The following TOX variants were observed in gnomAD, a reference collection of about 807,000 sequenced individuals.
TOX encodes the protein thymocyte selection associated high mobility group box.
In TOX, 11 loss-of-function variants were observed where a neutral mutation model predicts 53.7. That is an observed-to-expected ratio of 0.20 (90% CI 0.13 to 0.34). The LOEUF (loss-of-function observed/expected upper bound fraction) is 0.34, where lower values mean the gene tolerates loss of function less well. Among genes scored for constraint, TOX ranks in the 10% least tolerant of loss-of-function variants. TOX has a pLI of 1.00. For missense variants in TOX, 570 were observed against 664.6 expected, an observed-to-expected ratio of 0.86 and a Z score of 1.56; for synonymous variants, 225 against 245.3, an observed-to-expected ratio of 0.92 and a Z score of 0.77.
At chr8:58,834,183 C>T (rs1353675070) in intron 5 of TOX, among the ~76,000 whole-genome samples, 1 of 152,106 alleles carries the variant, frequency 6.6e-6, no homozygotes. Flanking sequence ...TTCTGAGGCC[C>T]CCAATAAGTC....
intron 6 of TOX, among the ~76,000 whole-genome samples, chr8:58,819,959 T>G (rs1810245878): frequency 6.6e-6 from 1 of 152,224 alleles, no homozygotes; most frequent in African/African-American, 2.4e-5. Context: ...AAATTCTTTC[T>G]GCTCCATGCA....
chr8:58,960,128 C>T (rs1268556129), intron 1 of TOX, 120 bp from the exon 2 acceptor site: 28 of 1,040,662 alleles, frequency 2.7e-5, no homozygotes, highest in Admixed American at 1.7e-4. Context: ...AAAAATACTG[C>T]GGCTGGGACT....
At chr8:59,051,109 T>A (rs36068531) in intron 1 of TOX, among the ~76,000 whole-genome samples, 24,655 of 152,116 alleles carry the variant, frequency 0.16, 2,316 homozygotes, top group Non-Finnish European at 0.22. Flanking sequence ...GCTGATGGCA[T>A]ACCCCGAACA....
intron 1 of TOX, among the ~76,000 whole-genome samples, chr8:59,080,704 C>T (rs560830221): frequency 2.6e-5 from 4 of 152,134 alleles, no homozygotes; most frequent in South Asian, 2.1e-4. Context: ...TCACAAGATC[C>T]GGTCATTTAA....
chr8:58,839,579 G>A (rs1810609099), intron 4 of TOX, among the ~76,000 whole-genome samples: 1 of 152,186 alleles, frequency 6.6e-6, no homozygotes, highest in Non-Finnish European at 1.5e-5. Flanking sequence ...CTAAAATAAA[G>A]CATTTTGGAT....
rs1247895645 is a variant in TOX at position 58,806,317 on chromosome 8, C to T, written c.*1430G>A. 1 of 152,072 alleles carries T rather than the reference C, an allele frequency of 6.6e-6. No homozygotes were observed. Among genetic ancestry groups the T allele is most frequent in the African/African-American group, 2.4e-5 (1 of 41,418 alleles). The allele number at this position is 152,072 out of a possible 1,614,324, so 9.4% of individuals were successfully genotyped here. The stretch of plus-strand genomic sequence containing the variant: ...GTTACTCACCTTTCATTTTTAGATG[C>T]TTCCCTTTCACTTCTTCCAGCCCCT... On this transcript the variant is annotated 3_prime_UTR_variant, in exon 9 of 9. Coordinates refer to ENST00000361421, the MANE Select transcript of TOX (RefSeq NM_014729.3).
intron 4 of TOX, among the ~76,000 whole-genome samples, chr8:58,850,090 A>C (rs974373045): frequency 6.6e-6 from 1 of 152,158 alleles, no homozygotes; most frequent in African/African-American, 2.4e-5. Context: ...CTTTTCACCT[A>C]ACTCATGAGA....
chr8:59,081,523 A>T (rs1393651080), intron 1 of TOX, among the ~76,000 whole-genome samples: 1 of 152,222 alleles, frequency 6.6e-6, no homozygotes. Context: ...GCAAAAGAAG[A>T]GGAAGTCAAT....
At chr8:59,055,720 A>T (rs1253632516) in intron 1 of TOX, among the ~76,000 whole-genome samples, 2 of 152,162 alleles carry the variant, frequency 1.3e-5, no homozygotes, top group Non-Finnish European at 2.9e-5. Flanking sequence ...CAAGGTAGAA[A>T]ACACTTTAAT....
At chr8:59,034,635 A>C (rs771828802) in intron 1 of TOX, among the ~76,000 whole-genome samples, 4 of 152,054 alleles carry the variant, frequency 2.6e-5, no homozygotes, top group African/African-American at 4.8e-5. Context: ...CTGCACCCTC[A>C]CTCAAGAAAA....
At chr8:58,945,033 G>A (rs1157995298) in intron 2 of TOX, among the ~76,000 whole-genome samples, 2 of 152,202 alleles carry the variant, frequency 1.3e-5, no homozygotes, top group Admixed American at 1.3e-4. Context: ...GGAATAAAAA[G>A]ATGGTGGGGA....
Position 59,033,069 on chromosome 8 carries a change from GA to G in TOX, c.103-73062del, listed in dbSNP as rs552094984. On this transcript the variant is annotated intron_variant, in intron 1 of 8. Transcript: ENST00000361421. ...AAAGAAAAGAAAAGAAAACAAGAAA[GA>G]AAAAAAGAAACCAAGGCTAAGAGAA... 6.6e-5 allele frequency among the ~76,000 whole-genome samples: 10 copies of G among 151,336 alleles called. No homozygotes were observed. In the South Asian group the frequency reaches 1.5e-3, roughly 22 times the overall value.
Position 58,999,741 on chromosome 8 carries a change from A to G in TOX, c.103-39733T>C, listed in dbSNP as rs926772847. On this transcript the variant is annotated intron_variant, in intron 1 of 8. Coordinates refer to ENST00000361421, the MANE Select transcript of TOX (RefSeq NM_014729.3). ...CGATCTCTATTTTTTAGGAAGAGGT[A>G]TGGGGAGCTATCAAGTCAGATTCAC... Among the ~76,000 whole-genome samples, 73 of 152,140 alleles carry G rather than the reference A, an allele frequency of 4.8e-4. 1 individual carries two copies. Among genetic ancestry groups the G allele is most frequent in the Non-Finnish European group, 1.5e-4 (10 of 68,026 alleles).
chr8:59,082,258 T>A (rs1032340491), intron 1 of TOX, among the ~76,000 whole-genome samples: 1 of 152,172 alleles, frequency 6.6e-6, no homozygotes, highest in Non-Finnish European at 1.5e-5. Context: ...AGTTTGCTTT[T>A]AAAAAAAATC....
intron 2 of TOX, among the ~76,000 whole-genome samples, chr8:58,954,430 T>C (rs1328089021): frequency 1.3e-5 from 2 of 152,212 alleles, no homozygotes; most frequent in Admixed American, 6.5e-5. Context: ...ACCTCTGATA[T>C]GTCAGACATT....
At chr8:58,994,408 G>A (rs1813516117) in intron 1 of TOX, among the ~76,000 whole-genome samples, 1 of 150,012 alleles carries the variant, frequency 6.7e-6, no homozygotes, top group African/African-American at 2.5e-5. Context: ...GTGTGTGTGT[G>A]TGTGTGTGTG....
intron 5 of TOX, among the ~76,000 whole-genome samples, chr8:58,832,112 GATATATATAATATATGTA>G (rs1211326183): frequency 8.2e-5 from 12 of 146,834 alleles, no homozygotes; most frequent in Admixed American, 1.4e-4. Context: ...TGTATATGTG[GATATATATAATATATGTA>G]ATATATATAA....
At chr8:58,967,108 T>G (rs1323181329) in intron 1 of TOX, among the ~76,000 whole-genome samples, 1 of 151,950 alleles carries the variant, frequency 6.6e-6, no homozygotes, top group Non-Finnish European at 1.5e-5. Flanking sequence ...TCTCCTGACC[T>G]CGTGATCTGC....
chr8:58,938,026 G>C lies in TOX; in HGVS notation c.411+1276C>G, dbSNP rs1382719878. Among the ~76,000 whole-genome samples the C allele has an allele frequency of 2.0e-5, 3 of 151,164 alleles. No homozygotes were observed. In the South Asian group the frequency reaches 6.3e-4, roughly 32 times the overall value. On this transcript the variant is annotated intron_variant, in intron 3 of 8. Coordinates refer to ENST00000361421, the MANE Select transcript of TOX (RefSeq NM_014729.3). Reference sequence around the variant, plus strand: ...CTCATAAGCTAAATCTATACAAGTGGAATATAATCTAAAAACCTGAGTGAT... The same window carrying C: ...CTCATAAGCTAAATCTATACAAGTGCAATATAATCTAAAAACCTGAGTGAT...
Sources: gnomAD v4.1 joint callset for allele counts (sites outside exome capture counted in the v4.1 genomes callset) on GRCh38, gnomAD v4.1.1 for gene constraint, MANE v1.5 for transcripts, NCBI Gene and HGNC (gene_info 2026-07-23, HGNC 2026-07-21) for gene names.